The following MKLN1 variants were observed in gnomAD, a reference collection of about 807,000 sequenced individuals.
The protein encoded by MKLN1 is muskelin 1, also known as muskelin.
A neutral mutation model predicts 99.0 loss-of-function variants in MKLN1; 18 were observed. That is an observed-to-expected ratio of 0.18 (90% CI 0.13 to 0.27). The LOEUF is 0.27. Ranked by LOEUF, MKLN1 falls within the 10% of genes least tolerant of loss-of-function variation. MKLN1 has a pLI of 1.00. For synonymous variants in MKLN1, 288 were observed against 293.2 expected (o/e 0.98, Z 0.18); for missense variants, 621 against 875.9 (o/e 0.71, Z 3.67).
intron 1 of MKLN1, among the ~76,000 whole-genome samples, chr7:131,119,539 C>A (rs751069797): frequency 1.3e-5 from 2 of 152,248 alleles, no homozygotes; most frequent in Non-Finnish European, 2.9e-5. Context: ...TCCAACTCCA[C>A]ATTTCCCCCC....
At chr7:131,446,659 T>C (rs1467614260) in intron 12 of MKLN1, among the ~76,000 whole-genome samples, 1 of 152,248 alleles carries the variant, frequency 6.6e-6, no homozygotes, top group African/African-American at 2.4e-5. Context: ...ACATTGTTTC[T>C]GGATATTTTA....
chr7:131,195,095 G>A (rs1796621789), intron 2 of MKLN1, among the ~76,000 whole-genome samples: 1 of 152,152 alleles, frequency 6.6e-6, no homozygotes, highest in African/African-American at 2.4e-5. Context: ...GAAAAGAAAG[G>A]TAAGGAATTA....
intron 12 of MKLN1, among the ~76,000 whole-genome samples, chr7:131,454,874 A>G (rs978775462): frequency 1.3e-5 from 2 of 152,200 alleles, no homozygotes; most frequent in African/African-American, 4.8e-5. Flanking sequence ...GGCAAGTTTC[A>G]AAAATGAGAA....
At chr7:131,227,491 CTTTCTCTTTCTTTCTT>C (rs1797170171) in intron 3 of MKLN1, among the ~76,000 whole-genome samples, 1 of 122,394 alleles carries the variant, frequency 8.2e-6, no homozygotes, top group African/African-American at 3.1e-5. Context: ...TTCTCTCTTT[CTTTCTCTTTCTTTCTT>C]TCTTTCTTTC....
At chr7:131,372,102 T>A (rs1004765684) in intron 1 of MKLN1, among the ~76,000 whole-genome samples, 3 of 152,020 alleles carry the variant, frequency 2.0e-5, no homozygotes, top group African/African-American at 7.2e-5. Context: ...AGGAACTACC[T>A]CACTTCCATG....
intron 3 of MKLN1, among the ~76,000 whole-genome samples, chr7:131,314,712 G>A (rs550390774): frequency 7.9e-4 from 120 of 151,996 alleles, no homozygotes; most frequent in African/African-American, 2.8e-3. Context: ...TTGAGCCACC[G>A]CGCCCAGCCC....
intron 16 of MKLN1, chr7:131,472,115 A>G (rs1237747554): frequency 6.6e-6 from 1 of 152,244 alleles, no homozygotes; most frequent in African/African-American, 2.4e-5. Flanking sequence ...AAGTGGCAGA[A>G]TATGTTTGAT....
chr7:131,419,832 T>C (rs1795138482), intron 8 of MKLN1, among the ~76,000 whole-genome samples: 1 of 152,118 alleles, frequency 6.6e-6, no homozygotes, highest in Non-Finnish European at 1.5e-5. Context: ...ACAAACTGTG[T>C]TGAGTTTTTT....
At chr7:131,326,033 G>A (rs1798881777), upstream of MKLN1, among the ~76,000 whole-genome samples, 1 of 152,096 alleles carries the variant, frequency 6.6e-6, no homozygotes, top group Admixed American at 6.5e-5. Flanking sequence ...ATTAACATGT[G>A]TTTTTAAAAA....
rs534027622 is a variant in MKLN1, at chr7:131,116,062, T to C, written c.-419+5855T>C. Reference sequence around the variant, plus strand: ...GGCTCACGCCTGTAATCCCAGCACTTTGGGATGCCGAGGCGGGCAGATCAC... The same window carrying C: ...GGCTCACGCCTGTAATCCCAGCACTCTGGGATGCCGAGGCGGGCAGATCAC... On this transcript the variant is annotated intron_variant, in intron 1 of 7. Transcript: ENST00000416992. Among the ~76,000 whole-genome samples the C allele has an allele frequency of 7.2e-4, 110 of 152,232 alleles. 1 individual carries two copies. The highest frequency in any genetic ancestry group is 2.5e-3 in the African/African-American group (103 of 41,542).
intron 8 of MKLN1, among the ~76,000 whole-genome samples, chr7:131,422,473 G>C (rs1165505334): frequency 1.3e-5 from 2 of 152,166 alleles, no homozygotes; most frequent in Non-Finnish European, 2.9e-5. Context: ...AGGATGGCTT[G>C]AGCCCAGAAG....
chr7:131,242,118 T>C (rs916589480), intron 3 of MKLN1, among the ~76,000 whole-genome samples: 2 of 152,246 alleles, frequency 1.3e-5, no homozygotes, highest in Non-Finnish European at 2.9e-5. Context: ...GCAAATCTGC[T>C]GGTAATGGAA....
chr7:131,257,034 C>G (rs1363187322), intron 3 of MKLN1, among the ~76,000 whole-genome samples: 1 of 152,110 alleles, frequency 6.6e-6, no homozygotes, highest in Non-Finnish European at 1.5e-5. Context: ...TTTATTTTCT[C>G]CTCATCTTTA....
intron 2 of MKLN1, among the ~76,000 whole-genome samples, chr7:131,201,636 C>A (rs925178539): frequency 4.6e-5 from 7 of 152,160 alleles, no homozygotes; most frequent in African/African-American, 1.7e-4. Context: ...CAAATGCCTG[C>A]ATTTGTTTAG....
At chr7:131,304,707 T>A (rs1798429189) in intron 3 of MKLN1, among the ~76,000 whole-genome samples, 1 of 152,180 alleles carries the variant, frequency 6.6e-6, no homozygotes, top group African/African-American at 2.4e-5. Context: ...CTGAAGAATT[T>A]TTTCCCATGA....
upstream of MKLN1, among the ~76,000 whole-genome samples, chr7:131,326,503 C>T (rs957160940): frequency 6.6e-6 from 1 of 152,104 alleles, no homozygotes; most frequent in Non-Finnish European, 1.5e-5. Flanking sequence ...TGTCACCACA[C>T]GCAGCTAACT....
intron 3 of MKLN1, among the ~76,000 whole-genome samples, chr7:131,231,721 G>C (rs1229680419): frequency 6.6e-6 from 1 of 152,272 alleles, no homozygotes; most frequent in African/African-American, 2.4e-5. Flanking sequence ...AAAAACAAAA[G>C]TAGATATTCA....
chr7:131,316,017 C>G (rs1798662315), intron 3 of MKLN1, among the ~76,000 whole-genome samples: 1 of 152,224 alleles, frequency 6.6e-6, no homozygotes, highest in East Asian at 1.9e-4. Flanking sequence ...TGCCTGCTGG[C>G]TCTGAAGAGA....
intron 2 of MKLN1, among the ~76,000 whole-genome samples, chr7:131,376,095 A>AATTAT (rs1793638122): frequency 9.3e-6 from 1 of 108,064 alleles, no homozygotes; most frequent in South Asian, 3.3e-4. Context: ...AATTCATGGA[A>AATTAT]ATATATATAT....
Sources: allele counts gnomAD v4.1 joint callset (sites outside exome capture counted in the v4.1 genomes callset), GRCh38; gene constraint gnomAD v4.1.1; transcripts MANE v1.5; gene names NCBI Gene and HGNC (gene_info 2026-07-23, HGNC 2026-07-21).